SPAG8: variants seen among roughly 807,000 people sequenced by gnomAD.
The protein encoded by SPAG8 is sperm associated antigen 8.
A neutral mutation model predicts 45.3 loss-of-function variants in SPAG8; 36 were observed. The observed-to-expected ratio is 0.80, with a 90% CI of 0.61 to 1.05. SPAG8 has a LOEUF of 1.05. SPAG8 is among the 50% of genes least tolerant of loss of function. The pLI is 0.00. For missense variants in SPAG8, 573 were observed against 609.2 expected (o/e 0.94, Z 0.63); for synonymous variants, 227 against 232.6 (o/e 0.98, Z 0.22).
intron 3 of SPAG8, 43 bp downstream of exon 3, chr9:35,810,840 T>A: frequency 6.2e-7 from 1 of 1,600,544 alleles, no homozygotes; most frequent in Non-Finnish European, 8.5e-7. Flanking sequence ...TTCTTCCCTC[T>A]GAGTAATGGG....
At position 35,811,310 on chromosome 9, in the gene SPAG8, C is replaced by T. The variant is rs1269085611; in HGVS notation, c.736G>A (p.Glu246Lys). 3.1e-6 allele frequency: 5 copies of T among 1,614,006 alleles called. No homozygotes were observed. Among genetic ancestry groups the T allele is most frequent in the Non-Finnish European group, 4.2e-6 (5 of 1,180,022 alleles). Residue 246 changes from glutamate to lysine, a missense_variant, in exon 2 of 7, where the codon GAA (glutamate) becomes AAA (lysine). Coordinates refer to ENST00000396638, the MANE Select transcript of SPAG8 (RefSeq NM_001039592.2). ...PWEPQKQPPW[E>K]FLQVLEPGAR... is the part of the protein sequence containing the mutation. ...CCCGGTTCTAAGACTTGCAAAAATT[C>T]CCAAGGTGGTTGTTTCTGGGGCTCC...
intron 6 of SPAG8, 55 bp downstream of exon 6, chr9:35,810,192 C>T (rs1828704958): frequency 6.2e-7 from 1 of 1,610,196 alleles, no homozygotes; most frequent in Non-Finnish European, 8.5e-7. Flanking sequence ...CAAAACAACT[C>T]TGCCCTACCT....
Position 35,811,795 on chromosome 9 carries a change from A to G in SPAG8, c.251T>C (p.Met84Thr). 7 of 1,614,148 alleles carry G rather than the reference A, an allele frequency of 4.3e-6. No individual in the cohort carries two copies. The highest frequency in any genetic ancestry group is 2.2e-5 in the East Asian group (1 of 44,876). Residue 84 changes from methionine (M) to threonine (T), a missense_variant, in exon 2 of 7, where the codon ATG becomes ACG. By Grantham distance (81) the Met-to-Thr change is moderately conservative. Transcript: ENST00000396638. ...TKTPAPCSEFMEPSSDPSLLG... is the reference protein window; with the variant it reads ...TKTPAPCSEFTEPSSDPSLLG... Reference sequence around the variant, plus strand: ...AAGGCTGGGGTCAGAGGACGGCTCCATGAACTCAGAACAGGGCGCTGGGGT... The same window carrying G: ...AAGGCTGGGGTCAGAGGACGGCTCCGTGAACTCAGAACAGGGCGCTGGGGT...
At position 35,812,260 on chromosome 9, in the gene SPAG8, G is replaced by C. The variant is rs768213050; in HGVS notation, c.-113C>G. On this transcript the variant is annotated 5_prime_UTR_variant, in exon 1 of 7. Coordinates refer to ENST00000396638, the MANE Select transcript of SPAG8 (RefSeq NM_001039592.2). The stretch of plus-strand genomic sequence containing the variant: ...GGCGGTGGAGGCAAGTCCTCTGCGG[G>C]GCGGAAGTCTTCAGCCTAGTGCTGT... 2 of 1,226,558 alleles carry C rather than the reference G, an allele frequency of 1.6e-6. No homozygotes were observed. Among genetic ancestry groups the C allele is most frequent in the Non-Finnish European group, 2.3e-6 (2 of 871,208 alleles). The allele number at this position is 1,226,558 out of a possible 1,614,324, so 76.0% of individuals were successfully genotyped here.
At chr9:35,809,377 C>T (rs1366294088), downstream of SPAG8, 1 of 1,614,122 alleles carries the variant, frequency 6.2e-7, no homozygotes, top group South Asian at 1.1e-5. The surrounding 1 kb of genome is among the most constrained non-coding windows in gnomAD (Gnocchi z 4.1). Context: ...CTCCCACTTC[C>T]AGGGAAAAGG....
intron 3 of SPAG8, 60 bp downstream of exon 3, chr9:35,810,823 C>T: frequency 6.3e-7 from 1 of 1,593,418 alleles, no homozygotes; most frequent in Non-Finnish European, 8.6e-7. Context: ...CCAGAAATTC[C>T]TTCCTCTTCT....
In SPAG8 at chr9:35,812,153, G is replaced by A. The variant is rs776063317; in HGVS notation, c.-6C>T. 1.1e-5 allele frequency: 18 copies of A among 1,604,848 alleles called. No homozygotes were observed. In the South Asian group the frequency reaches 1.8e-4, roughly 16 times the overall value. On this transcript the variant is annotated 5_prime_UTR_variant, in exon 1 of 7. Transcript: ENST00000396638. ...GTAGACTCGTTGGTCTCCATCTTCA[G>A]ACTCCAGCTACTGGGTTGCCATAGA... is the stretch of plus-strand genomic sequence containing the variant.
chr9:35,808,626 T>A, downstream of SPAG8: 1 of 1,614,186 alleles, frequency 6.2e-7, no homozygotes, highest in Non-Finnish European at 8.5e-7. The surrounding 1 kb of genome is among the most constrained non-coding windows in gnomAD (Gnocchi z 4.0). Context: ...AGTTTCTTCC[T>A]TTCGCATCCG....
At chr9:35,808,494 C>T (rs757155735), downstream of SPAG8, 1 of 1,613,162 alleles carries the variant, frequency 6.2e-7, no homozygotes, top group Non-Finnish European at 8.5e-7. This position sits in a 1 kb window ranked among gnomAD's most constrained non-coding sequence, Gnocchi z 4.0. Flanking sequence ...ACCTTTTAAT[C>T]CCCCTCTCAA....
In SPAG8 at chr9:35,811,882, G is replaced by T. The variant is rs143976174; in HGVS notation, c.164C>A (p.Ala55Glu). ...AAATAAAAAAASAAAATAAFT... is the reference protein window; with the variant it reads ...AAATAAAAAAESAAAATAAFT... ...GGCTGCAGTAGCTGCAGCAGCTGAT[G>T]CAGCCGCTGCAGCTGCTGCGGTTGC... The change falls in exon 2 of 7, where the codon GCA (alanine) becomes GAA (glutamate). Residue 55 changes from alanine to glutamate, a missense_variant. Coordinates refer to ENST00000396638, the MANE Select transcript of SPAG8 (RefSeq NM_001039592.2). 6.2e-7 allele frequency: 1 copy of T among 1,608,714 alleles called. No individual in the cohort carries two copies. Among genetic ancestry groups the T allele is most frequent in the Non-Finnish European group, 8.5e-7 (1 of 1,176,710 alleles).
downstream of SPAG8, chr9:35,808,711 G>A: frequency 6.2e-7 from 1 of 1,612,912 alleles, no homozygotes; most frequent in Non-Finnish European, 8.5e-7. The surrounding 1 kb of genome is among the most constrained non-coding windows in gnomAD (Gnocchi z 4.0). Context: ...TCCAGCCCTA[G>A]TCTCCACCTT....
intron 3 of SPAG8, 72 bp downstream of exon 3, chr9:35,810,811 C>T: frequency 1.3e-6 from 2 of 1,592,548 alleles, no homozygotes; most frequent in Non-Finnish European, 1.7e-6. Context: ...TCCACAGCCC[C>T]ACCAGAAATT....
At position 35,810,656 on chromosome 9, in the gene SPAG8, G is replaced by A. The variant is rs777604769; in HGVS notation, c.1066C>T (p.Leu356Phe). The change falls in exon 4 of 7, where the codon CTC becomes TTC. Residue 356 changes from leucine to phenylalanine, a missense_variant. By Grantham distance (22) the Leu-to-Phe change is conservative. Coordinates refer to ENST00000396638, the MANE Select transcript of SPAG8 (RefSeq NM_001039592.2). ...RGKREAMLEM[L>F]LQHQICKEVQ... is the part of the protein sequence containing the mutation. ...CCTTACCAGATCTGATGCTGCAGGA[G>A]CATCTCCAGCATGGCTTCACGCTTC... 9.3e-6 allele frequency: 15 copies of A among 1,613,966 alleles called. No individual in the cohort carries two copies. The highest frequency in any genetic ancestry group is 3.3e-4 in the Middle Eastern group (2 of 6,084).
In SPAG8 at chr9:35,811,569, A is replaced by C; in HGVS notation, c.477T>G (p.Ser159=). 6.2e-7 allele frequency: 1 copy of C among 1,613,246 alleles called. No individual in the cohort carries two copies. The highest frequency in any genetic ancestry group is 8.5e-7 in the Non-Finnish European group (1 of 1,179,500). ...CAGAGCCACAGCCAGGACCAGAGCC[A>C]GAGCCAGAGCCATGGCCAGCACCTG... ...SSSGAGHGSG[S]GSGPGCGSVP... Residue 159 remains serine, a synonymous_variant, in exon 2 of 7, where the codon TCT becomes TCG. Coordinates refer to ENST00000396638, the MANE Select transcript of SPAG8 (RefSeq NM_001039592.2).
chr9:35,810,393 G>C (rs767694455), intron 5 of SPAG8, 46 bp downstream of exon 5: 7 of 1,605,564 alleles, frequency 4.4e-6, no homozygotes, highest in Non-Finnish European at 6.0e-6. Context: ...CAGCCTGTCA[G>C]AGCCCAGCTG....
rs1368469963 is a variant in SPAG8, at chr9:35,809,980, T to C, written c.1416A>G (p.Gly472=). The change falls in exon 7 of 7, where the codon GGA becomes GGG. Residue 472 remains glycine (G), a synonymous_variant. Coordinates refer to ENST00000396638, the MANE Select transcript of SPAG8 (RefSeq NM_001039592.2). This position sits in a 1 kb window ranked among gnomAD's most constrained non-coding sequence, Gnocchi z 4.1. ...LGEISSLPCP[G]GRLGGGGGRM... is the part of the protein sequence containing the mutation. ...TCCCCCCTCCACCACCCAGCCTTCC[T>C]CCGGGACAGGGAAGGGAAGATATTT... 7 of 1,602,206 alleles carry C rather than the reference T, an allele frequency of 4.4e-6. No homozygotes were observed. The highest frequency in any genetic ancestry group is 6.0e-6 in the Non-Finnish European group (7 of 1,174,074).
At chr9:35,809,712 T>A, downstream of SPAG8, 1 of 1,264,516 alleles carries the variant, frequency 7.9e-7, no homozygotes, top group Non-Finnish European at 1.1e-6. This position sits in a 1 kb window ranked among gnomAD's most constrained non-coding sequence, Gnocchi z 4.1. Flanking sequence ...AAAACAATAA[T>A]AAAAAAAGTT....
downstream of SPAG8, chr9:35,808,571 C>T (rs1049552645): frequency 2.5e-6 from 4 of 1,614,052 alleles, no homozygotes; most frequent in Non-Finnish European, 3.4e-6. This position sits in a 1 kb window ranked among gnomAD's most constrained non-coding sequence, Gnocchi z 4.0. Context: ...ATGGTCAACG[C>T]CATGCACCAG....
At position 35,812,140 on chromosome 9, in the gene SPAG8, G is replaced by A. The variant is rs373776885; in HGVS notation, c.8C>T (p.Thr3Ile). 3 of 1,606,526 alleles carry A rather than the reference G, an allele frequency of 1.9e-6. No homozygotes were observed. Among genetic ancestry groups the A allele is most frequent in the African/African-American group, 1.3e-5 (1 of 74,948 alleles). The part of the protein sequence containing the change: ME[T>I]NESTEGSRSR... ...CCGCGATCCCTCCGTAGACTCGTTG[G>A]TCTCCATCTTCAGACTCCAGCTACT... Residue 3 changes from threonine (T) to isoleucine (I), a missense_variant, in exon 1 of 7, where the codon ACC becomes ATC. Physicochemically the swap from Thr to Ile is moderately conservative, Grantham distance 89. Coordinates refer to ENST00000396638, the MANE Select transcript of SPAG8 (RefSeq NM_001039592.2).
Sources: gnomAD v4.1 joint callset for allele counts on GRCh38, gnomAD v4.1.1 for gene constraint, Gnocchi (gnomAD v3.1) non-coding constraint, MANE v1.5 for transcripts, NCBI Gene and HGNC (gene_info 2026-07-23, HGNC 2026-07-21) for gene names.